Variants in NUDCD3 observed in about 807,000 individuals in gnomAD.
The protein encoded by NUDCD3 is NudC domain containing 3, also known as nudC domain-containing protein 3.
A neutral mutation model predicts 39.7 loss-of-function variants in NUDCD3; 13 were observed. The ratio of observed to expected loss-of-function variants is 0.33; its 90% confidence interval spans 0.21 to 0.52. The LOEUF (loss-of-function observed/expected upper bound fraction) is 0.52, where lower values mean the gene tolerates loss of function less well. Among genes scored for constraint, NUDCD3 ranks in the 20% least tolerant of loss-of-function variants. The probability of loss-of-function intolerance (pLI) is 0.96; values close to 1 mark genes in which losing one functional copy is unlikely to be tolerated. For missense variants in NUDCD3, 453 were observed against 458.1 expected, an observed-to-expected ratio of 0.99 and a Z score of 0.10; for synonymous variants, 175 against 172.4, an observed-to-expected ratio of 1.02 and a Z score of -0.12.
chr7:44,422,043 G>A lies in NUDCD3; in HGVS notation c.642+5528C>T, dbSNP rs535424784. Among the ~76,000 whole-genome samples, 179 of 152,292 alleles carry A rather than the reference G, an allele frequency of 1.2e-3. 3 individuals carry two copies. The highest frequency in any genetic ancestry group is 4.0e-3 in the African/African-American group (166 of 41,564). On this transcript the variant is annotated intron_variant, in intron 3 of 5. Transcript: ENST00000355451. The stretch of plus-strand genomic sequence containing the variant: ...CAACTTGCTCCTGAATGACTACTGG[G>A]TAAATAATGAAATTAAGGCAGAAAT...
chr7:44,456,669 T>C (rs1012701418), intron 2 of NUDCD3, among the ~76,000 whole-genome samples: 3 of 151,976 alleles, frequency 2.0e-5, no homozygotes, highest in Admixed American at 1.3e-4. Flanking sequence ...GGTGAGAGGA[T>C]TGCTTGAGCC....
intron 3 of NUDCD3, among the ~76,000 whole-genome samples, chr7:44,426,766 A>C (rs1799244055): frequency 6.7e-6 from 1 of 149,518 alleles, no homozygotes; most frequent in Non-Finnish European, 1.5e-5. Flanking sequence ...ACTGCACTCC[A>C]GCCTGGGCGA....
At chr7:44,489,963 T>C (rs938931965) in intron 1 of NUDCD3, 1 of 156,732 alleles carries the variant, frequency 6.4e-6, no homozygotes, top group African/African-American at 2.4e-5. Context: ...GTCTTTGACC[T>C]GGGAAGTCAC....
chr7:44,398,916 ACAC>A (rs1199725640), intron 4 of NUDCD3, among the ~76,000 whole-genome samples: 1 of 152,236 alleles, frequency 6.6e-6, no homozygotes, highest in African/African-American at 2.4e-5. Context: ...TTCTCAGGAC[ACAC>A]CACAAGTCAG....
chr7:44,391,591 A>G (rs1202668543), intron 5 of NUDCD3, among the ~76,000 whole-genome samples: 2 of 152,180 alleles, frequency 1.3e-5, no homozygotes, highest in Non-Finnish European at 2.9e-5. Context: ...CACTGACTCA[A>G]GGCTGCACTG....
intron 2 of NUDCD3, among the ~76,000 whole-genome samples, chr7:44,441,028 C>T (rs1799573161): frequency 1.3e-5 from 2 of 152,310 alleles, no homozygotes; most frequent in African/African-American, 4.8e-5. Context: ...CCCACAGTCC[C>T]ACCAACTTTG....
chr7:44,443,394 C>T (rs148910372), intron 2 of NUDCD3, among the ~76,000 whole-genome samples: 104 of 151,598 alleles, frequency 6.9e-4, no homozygotes, highest in Non-Finnish European at 1.3e-3. Context: ...TACAAGAAAT[C>T]TTTTTTTTTC....
intron 2 of NUDCD3, among the ~76,000 whole-genome samples, chr7:44,433,064 C>T (rs1404538682): frequency 2.0e-5 from 3 of 152,188 alleles, no homozygotes; most frequent in Admixed American, 6.5e-5. Context: ...AAAGAGCTTC[C>T]TCATCCCTTC....
intron 2 of NUDCD3, among the ~76,000 whole-genome samples, chr7:44,465,741 C>A (rs775910730): frequency 1.3e-5 from 2 of 152,024 alleles, no homozygotes; most frequent in Non-Finnish European, 2.9e-5. Flanking sequence ...AACAGAGCCA[C>A]AGACAGGGCC....
chr7:44,489,553 T>C (rs760865231), intron 1 of NUDCD3, among the ~76,000 whole-genome samples: 2 of 152,234 alleles, frequency 1.3e-5, no homozygotes, highest in Non-Finnish European at 1.5e-5. Context: ...TTTCTACAAA[T>C]AGGCTTAATA....
At chr7:44,426,982 T>C (rs1007313698) in intron 3 of NUDCD3, among the ~76,000 whole-genome samples, 2 of 152,238 alleles carry the variant, frequency 1.3e-5, no homozygotes, top group South Asian at 2.1e-4. Flanking sequence ...ATCTCTGTGA[T>C]GCATGGCTCA....
chr7:44,414,382 T>C (rs997866458), intron 3 of NUDCD3, among the ~76,000 whole-genome samples: 3 of 151,954 alleles, frequency 2.0e-5, no homozygotes, highest in African/African-American at 7.3e-5. Flanking sequence ...GACATGGAAG[T>C]AAAAAGAGAT....
chr7:44,445,960 T>C (rs555081018), intron 2 of NUDCD3, among the ~76,000 whole-genome samples: 69 of 152,314 alleles, frequency 4.5e-4, no homozygotes, highest in Non-Finnish European at 8.7e-4. Context: ...AAGCCTCCGC[T>C]TTGCTCATCA....
intron 2 of NUDCD3, among the ~76,000 whole-genome samples, chr7:44,484,075 G>A (rs1484062752): frequency 1.3e-5 from 2 of 152,198 alleles, no homozygotes; most frequent in Admixed American, 6.5e-5. Flanking sequence ...GTAAAGGAGT[G>A]AGAAAAACAG....
At chr7:44,403,299 A>G (rs1798756562) in intron 4 of NUDCD3, among the ~76,000 whole-genome samples, 1 of 152,244 alleles carries the variant, frequency 6.6e-6, no homozygotes, top group Admixed American at 6.5e-5. Flanking sequence ...TGGAAACTCT[A>G]CACATCACAC....
At chr7:44,488,419 C>T (rs1327336514) in intron 1 of NUDCD3, among the ~76,000 whole-genome samples, 1 of 151,892 alleles carries the variant, frequency 6.6e-6, no homozygotes, top group Non-Finnish European at 1.5e-5. Flanking sequence ...AAACATGACA[C>T]CTCTCTTAAG....
intron 2 of NUDCD3, chr7:44,481,420 T>C (rs1253621163): frequency 6.6e-6 from 1 of 152,242 alleles, no homozygotes; most frequent in Non-Finnish European, 1.5e-5. Flanking sequence ...TCTGCTGCGC[T>C]CTTCAGGCTT....
intron 5 of NUDCD3, among the ~76,000 whole-genome samples, chr7:44,388,896 C>T (rs1458249488): frequency 1.3e-5 from 2 of 152,272 alleles, no homozygotes; most frequent in East Asian, 3.8e-4. Flanking sequence ...TTAGATTCAA[C>T]ACACAGAGCT....
At chr7:44,486,897 A>C (rs376445912) in intron 1 of NUDCD3, among the ~76,000 whole-genome samples, 1 of 152,212 alleles carries the variant, frequency 6.6e-6, no homozygotes, top group Non-Finnish European at 1.5e-5. Flanking sequence ...CTCAGTACTC[A>C]TTCTAGAGTC....
Sources: gnomAD v4.1 joint callset for allele counts (sites outside exome capture counted in the v4.1 genomes callset) on GRCh38, gnomAD v4.1.1 for gene constraint, MANE v1.5 for transcripts, NCBI Gene and HGNC (gene_info 2026-07-23, HGNC 2026-07-21) for gene names.